DNM1: variants seen among roughly 807,000 people sequenced by gnomAD.
DNM1 encodes dynamin-1.
Under a neutral mutation model 104.6 loss-of-function variants are expected in DNM1, and 29 were observed. The ratio of observed to expected loss-of-function variants is 0.28; its 90% confidence interval spans 0.21 to 0.38. The LOEUF (loss-of-function observed/expected upper bound fraction) is 0.38. Ranked by LOEUF, DNM1 falls within the 10% of genes least tolerant of loss-of-function variation. DNM1 has a pLI of 1.00. For missense variants in DNM1, 640 were observed against 1,189.4 expected (o/e 0.54, Z 6.79); for synonymous variants, 445 against 475.8 (o/e 0.94, Z 0.84).
In DNM1 at chr9:128,218,529, G is replaced by A; in HGVS notation, c.236-53G>A. 3 of 1,574,706 alleles carry A rather than the reference G, an allele frequency of 1.9e-6. No individual in the cohort carries two copies. Among genetic ancestry groups the A allele is most frequent in the South Asian group, 1.2e-5 (1 of 86,362 alleles). On this transcript the variant is annotated intron_variant, in intron 2 of 21. Transcript: ENST00000372923. The surrounding 1 kb of genome is among the most constrained non-coding windows in gnomAD (Gnocchi z 4.8). ...CGGTGGGAGATGAAAACCCCCAGGT[G>A]GGGTTCCAGACCTTGATGCCTACTG...
At chr9:128,216,114 T>C (rs1197001308) in intron 1 of DNM1, among the ~76,000 whole-genome samples, 1 of 152,120 alleles carries the variant, frequency 6.6e-6, no homozygotes, top group Non-Finnish European at 1.5e-5. Flanking sequence ...TTTACTTGTC[T>C]GTCTCTCCCA....
chr9:128,220,740 C>CGTGTGTGTGTGTGTGTGTGT lies in DNM1; in HGVS notation c.849+400_849+401insTGTGTGTGTGTGTGTGTGTG, dbSNP rs754950978. On this transcript the variant is annotated intron_variant, in intron 6 of 21. Coordinates refer to ENST00000372923, the MANE Select transcript of DNM1 (RefSeq NM_004408.4). This position sits in a 1 kb window ranked among gnomAD's most constrained non-coding sequence, Gnocchi z 5.2. The stretch of plus-strand genomic sequence containing the variant: ...TCCAGAACTGAAGTGCGCGCGCGCG[C>CGTGTGTGTGTGTGTGTGTGT]GCGTGTGTGTGTGTGTGTGTGTGTG... Among the ~76,000 whole-genome samples the CGTGTGTGTGTGTGTGTGTGT allele has an allele frequency of 1.1e-4, 14 of 125,778 alleles. No individual in the cohort carries two copies. Among genetic ancestry groups the CGTGTGTGTGTGTGTGTGTGT allele is most frequent in the East Asian group, 6.3e-4 (2 of 3,156 alleles). 82.5% of individuals were successfully genotyped at this position (125,778 alleles called of 152,430 possible).
chr9:128,249,491 T>C (rs1829375919), intron 19 of DNM1, among the ~76,000 whole-genome samples: 1 of 151,880 alleles, frequency 6.6e-6, no homozygotes, highest in Admixed American at 6.6e-5. Context: ...ACCCCATCTC[T>C]ATTAAAAATA....
In DNM1 at chr9:128,243,754, G is replaced by A. The variant is rs906282800; in HGVS notation, c.1671+1409G>A. Among the ~76,000 whole-genome samples, 3 of 152,166 alleles carry A rather than the reference G, an allele frequency of 2.0e-5. No homozygotes were observed. The highest frequency in any genetic ancestry group is 4.4e-5 in the Non-Finnish European group (3 of 68,026). Reference sequence around the variant, plus strand: ...GACCTGGGGCTGAGGGCCGGAGACCGGGTGACACTGTGGGGGAGGGGCACG... The same window carrying A: ...GACCTGGGGCTGAGGGCCGGAGACCAGGTGACACTGTGGGGGAGGGGCACG... On this transcript the variant is annotated intron_variant, in intron 15 of 21. Transcript: ENST00000372923. This position sits in a 1 kb window ranked among gnomAD's most constrained non-coding sequence, Gnocchi z 4.0.
rs1008797024 is a variant in DNM1 at position 128,253,857 on chromosome 9, G to A, written c.2535-797G>A. 50 of 1,169,510 alleles carry A rather than the reference G, an allele frequency of 4.3e-5. No homozygotes were observed. Among genetic ancestry groups the A allele is most frequent in the East Asian group, 1.6e-4 (5 of 31,156 alleles). The allele number at this position is 1,169,510 out of a possible 1,614,324, so 72.4% of individuals were successfully genotyped here. On this transcript the variant is annotated intron_variant, in intron 21 of 21. Transcript: ENST00000372923. This position sits in a 1 kb window ranked among gnomAD's most constrained non-coding sequence, Gnocchi z 5.9. ...AGCTGAAGCACCGTAGCCAGCCAGC[G>A]GGCTCACGCACCTTGGCCTGTTGCT...
At chr9:128,244,738 C>G (rs1449464960) in intron 15 of DNM1, 1 of 533,768 alleles carries the variant, frequency 1.9e-6, no homozygotes, top group Non-Finnish European at 3.9e-6. Context: ...TCTAACCCAG[C>G]CCAGCCTAAC....
intron 10 of DNM1, among the ~76,000 whole-genome samples, chr9:128,225,429 C>T (rs548624462): frequency 6.6e-6 from 1 of 152,304 alleles, no homozygotes; most frequent in Non-Finnish European, 1.5e-5. Flanking sequence ...AGCCTCTGCG[C>T]CACGGTTTAC....
Position 128,254,973 on chromosome 9 carries a change from C to G in DNM1, c.*259C>G. The G allele has an allele frequency of 2.7e-6, 1 of 376,978 alleles. No individual in the cohort carries two copies. The highest frequency in any genetic ancestry group is 4.7e-6 in the Non-Finnish European group (1 of 210,808). 23.4% of individuals were successfully genotyped at this position (376,978 alleles called of 1,614,324 possible). A position where few individuals can be genotyped will look rare whatever the true frequency, so the allele number is the denominator to read the frequency against. On this transcript the variant is annotated 3_prime_UTR_variant, in exon 22 of 22. Coordinates refer to ENST00000372923, the MANE Select transcript of DNM1 (RefSeq NM_004408.4). The surrounding 1 kb of genome is among the most constrained non-coding windows in gnomAD (Gnocchi z 6.1). ...ACCTACACATGGCCAACCGCCTCGC[C>G]TCTAGCGCTGGGAATCAGTCACTGT... is the stretch of plus-strand genomic sequence containing the variant.
rs2131310492 is a variant in DNM1 at position 128,253,909 on chromosome 9, A to G, written c.2535-745A>G. On this transcript the variant is annotated intron_variant, in intron 21 of 21. Coordinates refer to ENST00000372923, the MANE Select transcript of DNM1 (RefSeq NM_004408.4). The surrounding 1 kb of genome is among the most constrained non-coding windows in gnomAD (Gnocchi z 5.9). ...CTAGGGTCACTTGTGCCATTCAGCC[A>G]AGGGGACGACCGTGCCTGCTGGCCC... 1.6e-6 allele frequency: 2 copies of G among 1,231,278 alleles called. No individual in the cohort carries two copies. Among genetic ancestry groups the G allele is most frequent in the Non-Finnish European group, 2.0e-6 (2 of 987,544 alleles). The allele number at this position is 1,231,278 out of a possible 1,614,324, so 76.3% of individuals were successfully genotyped here. A position where few individuals can be genotyped will look rare whatever the true frequency, so the allele number is the denominator to read the frequency against.
intron 1 of DNM1, among the ~76,000 whole-genome samples, chr9:128,205,554 C>G (rs547150257): frequency 2.0e-5 from 3 of 152,336 alleles, no homozygotes; most frequent in African/African-American, 7.2e-5. Context: ...CGCTGCACAT[C>G]CTCTGACAGC....
At chr9:128,246,688 C>CCCCTT (rs1836838123) in intron 16 of DNM1, among the ~76,000 whole-genome samples, 185 bp downstream of exon 16, 1 of 150,760 alleles carries the variant, frequency 6.6e-6, no homozygotes, top group Non-Finnish European at 1.5e-5. Flanking sequence ...CCCATCCCCT[C>CCCCTT]CCCTTCCCTT....
At chr9:128,239,347 C>CCTAT in intron 11 of DNM1, 98 bp from the exon 12 acceptor site, 1 of 858,414 alleles carries the variant, frequency 1.2e-6, no homozygotes, top group Non-Finnish European at 2.0e-6. Flanking sequence ...ATACTAACCT[C>CCTAT]CTATATGTGC....
chr9:128,214,976 G>A (rs371229073), intron 1 of DNM1, among the ~76,000 whole-genome samples: 3 of 152,256 alleles, frequency 2.0e-5, no homozygotes, highest in Admixed American at 6.5e-5. Flanking sequence ...GGGACAGTGT[G>A]TCCAGGTGAA....
At chr9:128,221,018 T>TTCCTTCCTTCCTTC (rs1834980801) in intron 6 of DNM1, 1 of 149,094 alleles carries the variant, frequency 6.7e-6, no homozygotes, top group African/African-American at 2.5e-5. Context: ...TTCCTTCCTT[T>TTCCTTCCTTCCTTC]CTTTCTCTTT....
intron 21 of DNM1, chr9:128,252,979 G>A: frequency 1.1e-6 from 1 of 896,376 alleles, no homozygotes; most frequent in Non-Finnish European, 1.8e-6. Context: ...TGTGCATGTG[G>A]GCCATGGGGC....
chr9:128,229,859 G>A (rs1363694273), intron 10 of DNM1, among the ~76,000 whole-genome samples: 1 of 151,944 alleles, frequency 6.6e-6, no homozygotes. Context: ...GTTGCAGTGA[G>A]CCAAGATCAC....
chr9:128,208,918 C>A (rs1158413740), intron 1 of DNM1, among the ~76,000 whole-genome samples: 1 of 152,144 alleles, frequency 6.6e-6, no homozygotes, highest in Non-Finnish European at 1.5e-5. Flanking sequence ...GGTGCAGGGA[C>A]TGTCCTGAGC....
At chr9:128,215,360 C>A (rs1042627274) in intron 1 of DNM1, among the ~76,000 whole-genome samples, 2 of 152,258 alleles carry the variant, frequency 1.3e-5, no homozygotes, top group Non-Finnish European at 2.9e-5. Flanking sequence ...GATTCTAGCC[C>A]AGCATGCCTG....
Position 128,234,116 on chromosome 9 carries a change from C to T in DNM1, c.1422+9C>T, listed in dbSNP as rs760832551. On this transcript the variant is annotated intron_variant, in intron 11 of 21. Coordinates refer to ENST00000372923, the MANE Select transcript of DNM1 (RefSeq NM_004408.4). ...GCCGCACTAAGGAGCAGGTGAGCCC[C>T]GCAGCACCCGGCCTGGCCGCGCCTT... 79 of 1,529,824 alleles carry T rather than the reference C, an allele frequency of 5.2e-5. No homozygotes were observed. Among genetic ancestry groups the T allele is most frequent in the South Asian group, 8.6e-5 (7 of 81,380 alleles). The allele number at this position is 1,529,824 out of a possible 1,614,324, so 94.8% of individuals were successfully genotyped here.
Sources: gnomAD v4.1 joint callset for allele counts (sites outside exome capture counted in the v4.1 genomes callset) on GRCh38, gnomAD v4.1.1 for gene constraint, Gnocchi (gnomAD v3.1) non-coding constraint, MANE v1.5 for transcripts, NCBI Gene and HGNC (gene_info 2026-07-23, HGNC 2026-07-21) for gene names.